The following PTPRD variants were observed in gnomAD, a reference collection of about 807,000 sequenced individuals.
The protein encoded by PTPRD is protein tyrosine phosphatase receptor type D, also known as receptor-type tyrosine-protein phosphatase delta.
Under a neutral mutation model 214.5 loss-of-function variants are expected in PTPRD, and 34 were observed. That is an observed-to-expected ratio of 0.16 (90% CI 0.12 to 0.21). PTPRD has a LOEUF of 0.21. Ranked by LOEUF, PTPRD falls within the 10% of genes least tolerant of loss-of-function variation. PTPRD has a pLI of 1.00. For missense variants in PTPRD, 2,545 were observed against 2,398.7 expected (o/e 1.06, Z -1.27); for synonymous variants, 1,128 against 845.7 (o/e 1.33, Z -5.79).
chr9:8,458,345 A>T lies in PTPRD; in HGVS notation c.3875+2066T>A, dbSNP rs1188319960. Among the ~76,000 whole-genome samples the T allele has an allele frequency of 3.3e-5, 5 of 152,142 alleles. No homozygotes were observed. The East Asian group carries it at 9.7e-4, about 29-fold the overall frequency. On this transcript the variant is annotated intron_variant, in intron 33 of 45. Coordinates refer to ENST00000381196, the MANE Select transcript of PTPRD (RefSeq NM_002839.4). ...TTCAAATTTACATGACTGATTCACA[A>T]ATACCATATACATCTGTTGCTTGGT...
At chr9:8,709,016 T>C (rs1208268492) in intron 12 of PTPRD, among the ~76,000 whole-genome samples, 1 of 152,070 alleles carries the variant, frequency 6.6e-6, no homozygotes, top group East Asian at 1.9e-4. Context: ...AAATACTCCA[T>C]GATCTCACTC....
At chr9:9,598,851 G>T (rs2093557582) in intron 7 of PTPRD, among the ~76,000 whole-genome samples, 1 of 151,970 alleles carries the variant, frequency 6.6e-6, no homozygotes, top group South Asian at 2.1e-4. Context: ...CTAATTCTCA[G>T]CTGTGCCATT....
chr9:10,319,644 G>T (rs984771700), intron 3 of PTPRD, among the ~76,000 whole-genome samples: 3 of 151,854 alleles, frequency 2.0e-5, no homozygotes, highest in African/African-American at 7.3e-5. Flanking sequence ...TGGATATACA[G>T]GATTGAAAAT....
intron 2 of PTPRD, among the ~76,000 whole-genome samples, chr9:10,417,005 A>G (rs1224094565): frequency 2.6e-5 from 4 of 151,952 alleles, no homozygotes; most frequent in African/African-American, 9.7e-5. Context: ...CTTCCAGACA[A>G]GAGTTGCCTT....
intron 10 of PTPRD, among the ~76,000 whole-genome samples, chr9:9,037,876 G>A (rs190522236): frequency 1.3e-5 from 2 of 152,302 alleles, no homozygotes; most frequent in Admixed American, 1.3e-4. Context: ...TGCTGACTAC[G>A]TGAGCAGGGA....
At chr9:9,998,691 A>G (rs1373639036) in intron 4 of PTPRD, among the ~76,000 whole-genome samples, 1 of 152,144 alleles carries the variant, frequency 6.6e-6, no homozygotes, top group Non-Finnish European at 1.5e-5. Context: ...AGAAGTACAC[A>G]AGGCAAGATA....
intron 35 of PTPRD, among the ~76,000 whole-genome samples, chr9:8,419,109 T>C (rs1054372395): frequency 1.3e-5 from 2 of 151,580 alleles, no homozygotes; most frequent in African/African-American, 4.8e-5. Context: ...TAGTCCCAGC[T>C]ACTTGGGAGC....
intron 14 of PTPRD, among the ~76,000 whole-genome samples, chr9:8,631,699 G>T (rs923390545): frequency 7.2e-5 from 11 of 151,760 alleles, no homozygotes; most frequent in African/African-American, 2.7e-4. Flanking sequence ...TATGTATCTT[G>T]CTGGAGTGTT....
At chr9:8,546,382 T>G (rs565495070) in intron 14 of PTPRD, among the ~76,000 whole-genome samples, 1 of 152,254 alleles carries the variant, frequency 6.6e-6, no homozygotes, top group East Asian at 1.9e-4. Context: ...AAATTAAACA[T>G]GCATATGATG....
At chr9:9,085,523 C>G (rs74793788) in intron 10 of PTPRD, among the ~76,000 whole-genome samples, 1 of 152,044 alleles carries the variant, frequency 6.6e-6, no homozygotes, top group Admixed American at 6.6e-5. Context: ...AGATCCATTT[C>G]CAAACAGTTT....
rs1051893439 is a variant in PTPRD, at chr9:10,091,746, T to A, written c.-544-57956A>T. On this transcript the variant is annotated intron_variant, in intron 3 of 45. Transcript: ENST00000381196. ...GACTGTTACAGATCATGATTGCAAA[T>A]CCATATATTCTTCATAAATAAGAAT... Among the ~76,000 whole-genome samples the A allele has an allele frequency of 2.7e-5, 4 of 147,520 alleles. No individual in the cohort carries two copies. The Admixed American group carries it at 2.8e-4, about 10-fold the overall frequency.
At chr9:10,342,064 G>T (rs918230993) in intron 2 of PTPRD, among the ~76,000 whole-genome samples, 2 of 151,996 alleles carry the variant, frequency 1.3e-5, no homozygotes, top group Non-Finnish European at 2.9e-5. Context: ...CAATTAAAGG[G>T]ATAGCACTTG....
At chr9:10,436,308 T>C (rs2098717146) in intron 2 of PTPRD, among the ~76,000 whole-genome samples, 1 of 151,744 alleles carries the variant, frequency 6.6e-6, no homozygotes, top group Non-Finnish European at 1.5e-5. Flanking sequence ...GTTTTCAGTG[T>C]CCACATTAGC....
At chr9:9,474,202 AT>A (rs2094848179) in intron 8 of PTPRD, among the ~76,000 whole-genome samples, 5 of 152,022 alleles carry the variant, frequency 3.3e-5, no homozygotes, top group African/African-American at 9.7e-5. Context: ...AGCACCATTT[AT>A]TGAAGATTGT....
At chr9:8,604,797 A>C (rs926695292) in intron 14 of PTPRD, among the ~76,000 whole-genome samples, 2 of 152,350 alleles carry the variant, frequency 1.3e-5, no homozygotes, top group African/African-American at 2.4e-5. Flanking sequence ...AGGCTTTCAT[A>C]AACGGGTATG....
At chr9:8,873,634 T>A (rs943528203) in intron 11 of PTPRD, among the ~76,000 whole-genome samples, 1 of 152,240 alleles carries the variant, frequency 6.6e-6, no homozygotes, top group Non-Finnish European at 1.5e-5. Context: ...CTATTTCATC[T>A]TAATGAAGGC....
chr9:10,123,414 A>G (rs1423566352), intron 3 of PTPRD, among the ~76,000 whole-genome samples: 1 of 152,244 alleles, frequency 6.6e-6, no homozygotes, highest in Non-Finnish European at 1.5e-5. Context: ...GTCTTGAATT[A>G]CAAAAGATAG....
At chr9:10,040,576 C>G (rs983270210) in intron 3 of PTPRD, among the ~76,000 whole-genome samples, 1 of 152,018 alleles carries the variant, frequency 6.6e-6, no homozygotes, top group African/African-American at 2.4e-5. Context: ...CAGCAGCAAG[C>G]TACTTAGCAA....
intron 14 of PTPRD, among the ~76,000 whole-genome samples, chr9:8,574,940 C>T (rs140674712): frequency 6.6e-6 from 1 of 152,100 alleles, no homozygotes; most frequent in Non-Finnish European, 1.5e-5. Flanking sequence ...ATTAAAAAAT[C>T]AATATCATAT....
Sources: gnomAD v4.1 joint callset for allele counts (sites outside exome capture counted in the v4.1 genomes callset) on GRCh38, gnomAD v4.1.1 for gene constraint, MANE v1.5 for transcripts, NCBI Gene and HGNC (gene_info 2026-07-23, HGNC 2026-07-21) for gene names.